Variants in OTUD7A observed in about 807,000 individuals in gnomAD.
OTUD7A encodes OTU domain-containing protein 7A.
Under a neutral mutation model 65.7 loss-of-function variants are expected in OTUD7A, and 12 were observed. That is an observed-to-expected ratio of 0.18 (90% confidence interval 0.12 to 0.30). The LOEUF is 0.30. Ranked by LOEUF, OTUD7A falls within the 10% of genes least tolerant of loss-of-function variation. The pLI, the probability that OTUD7A is intolerant of heterozygous loss-of-function variation, is 1.00. For missense variants in OTUD7A, 1,148 were observed against 1,304.8 expected (o/e 0.88, Z 1.85); for synonymous variants, 641 against 586.3 (o/e 1.09, Z -1.35).
intron 8 of OTUD7A, among the ~76,000 whole-genome samples, chr15:31,517,682 C>A (rs994901992): frequency 6.6e-6 from 1 of 152,116 alleles, no homozygotes; most frequent in African/African-American, 2.4e-5. Flanking sequence ...GGGAGAATTT[C>A]CAGGGTTAGG....
Position 31,599,998 on chromosome 15 carries a change from G to A in OTUD7A, c.152-29801C>T, listed in dbSNP as rs182518214. ...CAAGAAATATGGGGTTATGTGAAAA[G>A]ACCAAATCTACATTTGACTGATATA... On this transcript the variant is annotated intron_variant, in intron 3 of 12. Coordinates refer to ENST00000307050, the MANE Select transcript of OTUD7A (RefSeq NM_001382637.1). 1.9e-3 allele frequency among the ~76,000 whole-genome samples: 288 copies of A among 152,216 alleles called. 1 individual carries two copies. The highest frequency in any genetic ancestry group is 6.5e-3 in the African/African-American group (269 of 41,548).
rs539194899 is a variant in OTUD7A at position 31,790,919 on chromosome 15, T to C, written c.-100+79588A>G. ...ATGAGAACTTGACAATGGAGACACC[T>C]ATGGAAGTGACATTTTTCCACAGTA... On this transcript the variant is annotated intron_variant, in intron 1 of 12. Coordinates refer to ENST00000307050, the MANE Select transcript of OTUD7A (RefSeq NM_001382637.1). 2.6e-5 allele frequency among the ~76,000 whole-genome samples: 4 copies of C among 152,332 alleles called. No individual in the cohort carries two copies. The East Asian group carries it at 7.7e-4, about 29-fold the overall frequency.
At chr15:31,559,235 G>A (rs749899794) in intron 4 of OTUD7A, 48 bp from the exon 5 acceptor site, 2 of 1,553,208 alleles carry the variant, frequency 1.3e-6, no homozygotes, top group Non-Finnish European at 1.8e-6. Flanking sequence ...GTGGGTGTAG[G>A]TGTGGCTCTA....
chr15:31,544,191 TAAC>T (rs146974878), intron 5 of OTUD7A, among the ~76,000 whole-genome samples: 4,722 of 151,816 alleles, frequency 0.031, 238 homozygotes, highest in African/African-American at 0.11. Context: ...AACCATGTAA[TAAC>T]AAAAATATTA....
At chr15:31,655,821 A>T (rs577780503) in intron 2 of OTUD7A, among the ~76,000 whole-genome samples, 1 of 152,304 alleles carries the variant, frequency 6.6e-6, no homozygotes, top group Non-Finnish European at 1.5e-5. Context: ...TCAAACACCT[A>T]AGTATACCTA....
intron 3 of OTUD7A, among the ~76,000 whole-genome samples, chr15:31,598,895 T>C (rs1889990046): frequency 6.6e-6 from 1 of 151,990 alleles, no homozygotes; most frequent in Non-Finnish European, 1.5e-5. Flanking sequence ...CGCAGGGAAG[T>C]TCGAACTGGG....
At chr15:31,535,146 C>T (rs1887755090) in intron 5 of OTUD7A, among the ~76,000 whole-genome samples, 1 of 152,190 alleles carries the variant, frequency 6.6e-6, no homozygotes, top group South Asian at 2.1e-4. Context: ...GGCTCTGTGT[C>T]CTCACCCAAA....
intron 3 of OTUD7A, among the ~76,000 whole-genome samples, chr15:31,634,844 A>C (rs1385124372): frequency 1.3e-5 from 2 of 152,210 alleles, no homozygotes; most frequent in African/African-American, 4.8e-5. Context: ...GCTCTGACTG[A>C]AACCTTTAAC....
At chr15:31,831,810 G>C (rs1251617903) in intron 1 of OTUD7A, among the ~76,000 whole-genome samples, 1 of 152,262 alleles carries the variant, frequency 6.6e-6, no homozygotes, top group African/African-American at 2.4e-5. Flanking sequence ...GTGACGAAAA[G>C]GAGCAGGACA....
intron 1 of OTUD7A, among the ~76,000 whole-genome samples, chr15:31,835,490 T>C (rs564150661): frequency 3.9e-5 from 6 of 152,168 alleles, no homozygotes; most frequent in Non-Finnish European, 8.8e-5. Flanking sequence ...TCCCCACTGA[T>C]TTTTCACCGC....
intron 3 of OTUD7A, among the ~76,000 whole-genome samples, chr15:31,616,260 T>C (rs1890582287): frequency 6.6e-6 from 1 of 152,176 alleles, no homozygotes; most frequent in African/African-American, 2.4e-5. Context: ...ACCGTCTGCA[T>C]CTAAAACTGG....
rs144801817 is a variant in OTUD7A at position 31,631,555 on chromosome 15, T to G, written c.151+23541A>C. Among the ~76,000 whole-genome samples the G allele has an allele frequency of 9.1e-3, 1,392 of 152,230 alleles. 32 individuals are homozygous for G. Among genetic ancestry groups the G allele is most frequent in the African/African-American group, 0.032 (1,339 of 41,542 alleles). ...TGCATTTCAACTTTGGTGAATCTGA[T>G]AATTATGTGTCTTGGAGCTGCTCTT... On this transcript the variant is annotated intron_variant, in intron 3 of 12. Transcript: ENST00000307050.
intron 3 of OTUD7A, among the ~76,000 whole-genome samples, chr15:31,572,267 T>A (rs1889077552): frequency 6.6e-6 from 1 of 152,178 alleles, no homozygotes; most frequent in South Asian, 2.1e-4. Flanking sequence ...TGTTGTCCTA[T>A]CTTTCTGTAT....
At chr15:31,602,316 A>C (rs1890102102) in intron 3 of OTUD7A, among the ~76,000 whole-genome samples, 1 of 152,204 alleles carries the variant, frequency 6.6e-6, no homozygotes, top group Non-Finnish European at 1.5e-5. Flanking sequence ...AAATCAAGAA[A>C]TGTAATGCAT....
At chr15:31,730,767 T>C (rs187844597) in intron 1 of OTUD7A, among the ~76,000 whole-genome samples, 1 of 152,250 alleles carries the variant, frequency 6.6e-6, no homozygotes, top group African/African-American at 2.4e-5. Context: ...ATGGGGGCGG[T>C]GGCAGGATTG....
intron 4 of OTUD7A, among the ~76,000 whole-genome samples, chr15:31,569,588 G>GTTATAATAAGCATATCTTACTT (rs1167890408): frequency 1.2e-4 from 19 of 152,190 alleles, no homozygotes; most frequent in Non-Finnish European, 2.5e-4. Context: ...TGTTTCCTTT[G>GTTATAATAAGCATATCTTACTT]TTATAATAAG....
chr15:31,489,543 C>T (rs1417328192), intron 10 of OTUD7A, among the ~76,000 whole-genome samples: 2 of 152,156 alleles, frequency 1.3e-5, no homozygotes, highest in Non-Finnish European at 2.9e-5. Flanking sequence ...CATCCATGGT[C>T]TGTGGGCAGA....
At chr15:31,630,386 A>C (rs2141248475) in intron 3 of OTUD7A, among the ~76,000 whole-genome samples, 1 of 152,086 alleles carries the variant, frequency 6.6e-6, no homozygotes, top group Admixed American at 6.5e-5. Flanking sequence ...TTCAGTTTCC[A>C]TGTAGTTGAG....
At chr15:31,512,986 A>C (rs2041779650) in intron 8 of OTUD7A, among the ~76,000 whole-genome samples, 1 of 152,238 alleles carries the variant, frequency 6.6e-6, no homozygotes, top group South Asian at 2.1e-4. Flanking sequence ...TACAAGCCTC[A>C]GCCTCCCAAG....
Sources: gnomAD v4.1 joint callset for allele counts (sites outside exome capture counted in the v4.1 genomes callset) on GRCh38, gnomAD v4.1.1 for gene constraint, MANE v1.5 for transcripts, NCBI Gene and HGNC (gene_info 2026-07-23, HGNC 2026-07-21) for gene names.